SPDYE10: variants seen among roughly 807,000 people sequenced by gnomAD.
SPDYE10 encodes the protein speedy/RINGO cell cycle regulator family member E10.
the SPDYE10 span, among the ~76,000 whole-genome samples, chr7:73,123,669 G>A: frequency 6.6e-6 from 1 of 152,202 alleles, no homozygotes; most frequent in East Asian, 1.9e-4. Flanking sequence ...TGTTGGCCAG[G>A]CTGGTTTTGA....
At chr7:73,123,792 T>TCC in the SPDYE10 span, among the ~76,000 whole-genome samples, 3 of 131,114 alleles carry the variant, frequency 2.3e-5, no homozygotes, top group African/African-American at 5.9e-5. Flanking sequence ...TCTCTCCCTC[T>TCC]CTCTCTCTCT....
chr7:73,117,402 CAG>C, the SPDYE10 span, among the ~76,000 whole-genome samples: 1 of 91,662 alleles, frequency 1.1e-5, no homozygotes, highest in Non-Finnish European at 2.1e-5. Flanking sequence ...TTAATAGAGA[CAG>C]GGTTTCACCA....
the SPDYE10 span, among the ~76,000 whole-genome samples, chr7:73,123,750 G>A: frequency 2.7e-5 from 4 of 145,708 alleles, no homozygotes; most frequent in Admixed American, 1.4e-4. Context: ...GAGCCACTGC[G>A]CCTGGCCATT....
chr7:73,150,895 C>CAAA, the SPDYE10 span, among the ~76,000 whole-genome samples: 40 of 1,218 alleles, frequency 0.033, 3 homozygotes, highest in African/African-American at 0.052. Flanking sequence ...GACCCTGTCT[C>CAAA]AAAAAAAAAA....
At chr7:73,114,365 TG>T in the SPDYE10 span, among the ~76,000 whole-genome samples, 12 of 141,334 alleles carry the variant, frequency 8.5e-5, no homozygotes, top group Non-Finnish European at 1.9e-4. Context: ...GGGGTGTGGC[TG>T]AGTCCATTGC....
chr7:73,142,362 TA>T, the SPDYE10 span, among the ~76,000 whole-genome samples: 1 of 141,598 alleles, frequency 7.1e-6, no homozygotes, highest in African/African-American at 2.8e-5. Context: ...ACAATTATCT[TA>T]AGATAACAAG....
chr7:73,139,323 A>ATTT, the SPDYE10 span, among the ~76,000 whole-genome samples: 1 of 41,312 alleles, frequency 2.4e-5, no homozygotes, highest in Non-Finnish European at 4.9e-5. Context: ...AGAGACCACG[A>ATTT]TTTTTTTTTT....
At chr7:73,113,727 C>G in the SPDYE10 span, among the ~76,000 whole-genome samples, 3 of 152,114 alleles carry the variant, frequency 2.0e-5, no homozygotes, top group African/African-American at 2.4e-5. Context: ...AACCGCATCT[C>G]TACTAAAAAT....
the SPDYE10 span, chr7:73,154,935 T>TA: frequency 2.0e-5 from 3 of 150,650 alleles, 1 homozygote; most frequent in Admixed American, 1.3e-4. Context: ...AGTTGTTTGT[T>TA]ACAGCGAACA....
the SPDYE10 span, among the ~76,000 whole-genome samples, chr7:73,113,592 C>G: frequency 2.0e-5 from 3 of 150,002 alleles, no homozygotes; most frequent in Non-Finnish European, 4.4e-5. Context: ...CAGAGACCAT[C>G]CAAAGAACCT....
the SPDYE10 span, among the ~76,000 whole-genome samples, chr7:73,123,522 A>G: frequency 1.1e-4 from 16 of 152,338 alleles, no homozygotes; most frequent in South Asian, 2.9e-3. Flanking sequence ...GCTGGAGTGC[A>G]GTGGTGTGAT....
the SPDYE10 span, among the ~76,000 whole-genome samples, chr7:73,134,557 GAA>G: frequency 5.3e-5 from 8 of 152,118 alleles, no homozygotes; most frequent in African/African-American, 1.9e-4. Context: ...AAGAAAGAAA[GAA>G]AGAAAGAAAC....
At chr7:73,115,031 G>C in the SPDYE10 span, among the ~76,000 whole-genome samples, 3 of 152,142 alleles carry the variant, frequency 2.0e-5, no homozygotes, top group African/African-American at 7.3e-5. Context: ...CGAGTAGCTG[G>C]GATTACAGGC....
chr7:73,152,320 T>G, the SPDYE10 span, among the ~76,000 whole-genome samples: 1 of 145,838 alleles, frequency 6.9e-6, no homozygotes, highest in East Asian at 1.9e-4. Flanking sequence ...GCCAGTTGTT[T>G]TTTTTTTTTT....
chr7:73,152,261 CT>C, the SPDYE10 span, among the ~76,000 whole-genome samples: 10 of 136,396 alleles, frequency 7.3e-5, no homozygotes, highest in Admixed American at 2.2e-4. Context: ...GATCTGCCTG[CT>C]TTGGCTTCCC....
At chr7:73,123,788 C>CTCTCCCTCT in the SPDYE10 span, among the ~76,000 whole-genome samples, 2 of 97,458 alleles carry the variant, frequency 2.1e-5, no homozygotes, top group Non-Finnish European at 3.7e-5. Context: ...TCTCTCTCTC[C>CTCTCCCTCT]CTCTCTCTCT....
At chr7:73,150,946 A>AT in the SPDYE10 span, among the ~76,000 whole-genome samples, 97 of 11,304 alleles carry the variant, frequency 8.6e-3, 2 homozygotes, top group African/African-American at 0.028. Flanking sequence ...ATATATATAT[A>AT]TATTTTTTTT....
At chr7:73,123,788 C>CCCTCT in the SPDYE10 span, among the ~76,000 whole-genome samples, 186 of 97,486 alleles carry the variant, frequency 1.9e-3, no homozygotes, top group African/African-American at 8.2e-3. Context: ...TCTCTCTCTC[C>CCCTCT]CTCTCTCTCT....
At chr7:73,123,784 T>TCTCC in the SPDYE10 span, among the ~76,000 whole-genome samples, 1 of 143,730 alleles carries the variant, frequency 7.0e-6, no homozygotes, top group Non-Finnish European at 1.5e-5. Context: ...TCTCTCTCTC[T>TCTCC]CTCCCTCTCT....
Sources: gnomAD v4.1 joint callset for allele counts (sites outside exome capture counted in the v4.1 genomes callset) on GRCh38, gnomAD v4.1.1 for gene constraint, MANE v1.5 for transcripts, NCBI Gene and HGNC (gene_info 2026-07-23, HGNC 2026-07-21) for gene names.